MAP7D3: variants seen among roughly 807,000 people sequenced by gnomAD.
The protein encoded by MAP7D3 is MAP7 domain-containing protein 3.
In MAP7D3, 45 loss-of-function variants were observed where a neutral mutation model predicts 62.2. That is an observed-to-expected ratio of 0.72 (90% CI 0.57 to 0.93). The LOEUF is 0.93. Ranked by LOEUF, MAP7D3 falls within the 40% of genes least tolerant of loss-of-function variation. The pLI is 0.00. For missense variants in MAP7D3, 711 were observed against 683.1 expected (o/e 1.04, Z -0.45); for synonymous variants, 288 against 248.8 (o/e 1.16, Z -1.48).
upstream of MAP7D3, chrX:136,251,599 T>C (rs1389685018): frequency 8.8e-6 from 7 of 793,496 alleles, no homozygotes; most frequent in Non-Finnish European, 9.0e-6. Flanking sequence ...CTCTCCTATG[T>C]TCCGTGCTCT....
In MAP7D3 at chrX:136,246,167, A is replaced by G. The variant is rs1335736049; in HGVS notation, c.170-19T>C. On this transcript the variant is annotated intron_variant, in intron 2 of 18. Transcript: ENST00000316077. ...TCGATTACTAAAAAAAAAAGAATAT[A>G]GTTAGATATTAATAGGATATCAAAT... 6 of 1,133,241 alleles carry G rather than the reference A, an allele frequency of 5.3e-6. No homozygotes were observed. The highest frequency in any genetic ancestry group is 7.2e-6 in the Non-Finnish European group (6 of 828,879). 93.4% of individuals were successfully genotyped at this position (1,133,241 alleles called of 1,213,427 possible). A position where few individuals can be genotyped will look rare whatever the true frequency, so the allele number is the denominator to read the frequency against.
At position 136,232,191 on chromosome X, in the gene MAP7D3, A is replaced by G; in HGVS notation, c.766T>C (p.Tyr256His). 1 of 1,203,210 alleles carries G rather than the reference A, an allele frequency of 8.3e-7. No individual in the cohort carries two copies. The highest frequency in any genetic ancestry group is 1.1e-6 in the Non-Finnish European group (1 of 888,546). The change falls in exon 8 of 19, where the codon TAT becomes CAT. Residue 256 changes from tyrosine to histidine, a missense_variant. Tyr to His is a moderately conservative substitution (Grantham distance 83, BLOSUM62 2). Coordinates refer to ENST00000316077, the MANE Select transcript of MAP7D3 (RefSeq NM_024597.4). ...VTGVTNYVMQYVTVPLRKCTS... is the reference protein window; with the variant it reads ...VTGVTNYVMQHVTVPLRKCTS... ...CATTTACGCAAGGGTACAGTGACAT[A>G]CTGCATTACATAATTGGTGACGCCT...
intron 7 of MAP7D3, among the ~76,000 whole-genome samples, chrX:136,235,728 A>G (rs2074322582): frequency 9.0e-6 from 1 of 110,961 alleles, no homozygotes; most frequent in Admixed American, 9.6e-5. Flanking sequence ...CAGCCTGGGC[A>G]ACAGAGCGAG....
rs190069703 is a variant in MAP7D3, at chrX:136,239,652, G to A, written c.640+730C>T. On this transcript the variant is annotated intron_variant, in intron 6 of 18. Coordinates refer to ENST00000316077, the MANE Select transcript of MAP7D3 (RefSeq NM_024597.4). ...TGATATATGTAATGCAGATCAACCT[G>A]TCCACTGCTATATATATGCTATTAT... 3.7e-3 allele frequency among the ~76,000 whole-genome samples: 416 copies of A among 111,842 alleles called. 1 individual carries two copies. Among genetic ancestry groups the A allele is most frequent in the Non-Finnish European group, 6.1e-3 (325 of 53,135 alleles).
At chrX:136,241,650 A>G (rs1049322450) in intron 4 of MAP7D3, among the ~76,000 whole-genome samples, 5 of 110,025 alleles carry the variant, frequency 4.5e-5, no homozygotes, top group African/African-American at 1.7e-4. Context: ...GATTCCCCCA[A>G]CCATTTATTT....
chrX:136,234,935 C>T (rs936913293), intron 7 of MAP7D3, among the ~76,000 whole-genome samples: 4 of 112,172 alleles, frequency 3.6e-5, no homozygotes, highest in Admixed American at 2.9e-4. Flanking sequence ...AAACTGCTCT[C>T]AACAGCAGCT....
At chrX:136,216,189 A>G (rs2074060234), downstream of MAP7D3, among the ~76,000 whole-genome samples, 1 of 108,814 alleles carries the variant, frequency 9.2e-6, no homozygotes, top group Admixed American at 1.0e-4. Flanking sequence ...GGGAAGAGTA[A>G]CAAGCACTGA....
chrX:136,225,853 G>C, intron 13 of MAP7D3, 56 bp downstream of exon 13: 1 of 758,893 alleles, frequency 1.3e-6, no homozygotes, highest in Non-Finnish European at 2.0e-6. Context: ...CTGATATCAG[G>C]TGCCCAACAT....
upstream of MAP7D3, among the ~76,000 whole-genome samples, chrX:136,252,785 A>G (rs894316001): frequency 9.3e-6 from 1 of 108,001 alleles, no homozygotes; most frequent in Non-Finnish European, 1.9e-5. Flanking sequence ...AGTGTTTGCG[A>G]TGATGTAGAT....
chrX:136,233,805 T>G lies in MAP7D3; in HGVS notation c.737-1585A>C, dbSNP rs183866162. Among the ~76,000 whole-genome samples, 212 of 111,344 alleles carry G rather than the reference T, an allele frequency of 1.9e-3. 2 individuals are homozygous for G. The South Asian group carries it at 0.066, about 34-fold the overall frequency. The stretch of plus-strand genomic sequence containing the variant: ...TAAATGTTATCTTTTAGTCCCTCAC[T>G]TTTAGTGGAGAAAGCATTTTATTTA... On this transcript the variant is annotated intron_variant, in intron 7 of 18. Transcript: ENST00000316077.
intron 11 of MAP7D3, among the ~76,000 whole-genome samples, chrX:136,227,769 A>G (rs899486492): frequency 9.0e-6 from 1 of 111,037 alleles, no homozygotes; most frequent in Non-Finnish European, 1.9e-5. Flanking sequence ...CTCACACCCA[A>G]TCTCTCGTGG....
chrX:136,242,817 C>CTTCG (rs1485044304), intron 4 of MAP7D3, among the ~76,000 whole-genome samples: 1 of 111,997 alleles, frequency 8.9e-6, no homozygotes, highest in Non-Finnish European at 1.9e-5. Flanking sequence ...CTTCGTTTAT[C>CTTCG]ATTACTTAGT....
In MAP7D3 at chrX:136,244,789, TTA is replaced by T. The variant is rs1437139736; in HGVS notation, c.258_259del (p.Asn86LysfsTer7). On this transcript the variant is annotated frameshift_variant, in exon 4 of 19. Transcript: ENST00000316077. LOFTEE classifies it high-confidence loss of function. ...TTCTTTTTCAAGTAGTTGTGTTTCT[TTA>T]TTGGCTGAAATATTCCAAATACATT... 12 of 1,186,275 alleles carry T rather than the reference TTA, an allele frequency of 1.0e-5. No individual in the cohort carries two copies. Among genetic ancestry groups the T allele is most frequent in the Non-Finnish European group, 1.4e-5 (12 of 881,719 alleles).
At chrX:136,231,180 T>C (rs1187792228) in intron 8 of MAP7D3, 5 of 337,805 alleles carry the variant, frequency 1.5e-5, no homozygotes, top group African/African-American at 1.3e-4. Context: ...ATCACAGAAA[T>C]AACAGGTTTA....
intron 7 of MAP7D3, among the ~76,000 whole-genome samples, chrX:136,235,655 G>A (rs1289694781): frequency 2.7e-5 from 3 of 110,865 alleles, no homozygotes; most frequent in Non-Finnish European, 5.7e-5. Context: ...AAGCTGAGGC[G>A]GGAGAATCGC....
downstream of MAP7D3, among the ~76,000 whole-genome samples, chrX:136,216,359 T>TAAAAAAAAAAAAAAAA (rs58245551): frequency 3.9e-5 from 1 of 25,502 alleles, no homozygotes; most frequent in Non-Finnish European, 6.1e-5. Flanking sequence ...ACCCTATCTC[T>TAAAAAAAAAAAAAAAA]AAAAAAAAAA....
intron 9 of MAP7D3, 72 bp from the exon 10 acceptor site, chrX:136,230,665 T>G: frequency 1.1e-6 from 1 of 871,727 alleles, no homozygotes; most frequent in Non-Finnish European, 1.6e-6. Context: ...GATGCTATTA[T>G]GAGATGACAT....
At position 136,220,908 on chromosome X, in the gene MAP7D3, G is replaced by C. The variant is rs2074118707; in HGVS notation, c.2343C>G (p.Ala781=). The part of the protein sequence containing the change: ...PTKFKMPFNN[A]KKMTHKLVFL... Reference sequence around the variant, plus strand: ...ATACCAGCTTGTGTGTCATTTTCTTGGCATTGTTGAACGGCATTTTAAATT... The same window carrying C: ...ATACCAGCTTGTGTGTCATTTTCTTCGCATTGTTGAACGGCATTTTAAATT... Residue 781 remains alanine (A), a synonymous_variant, in exon 16 of 19, where the codon GCC becomes GCG. Transcript: ENST00000316077. 8.3e-7 allele frequency: 1 copy of C among 1,207,577 alleles called. No homozygotes were observed. Among genetic ancestry groups the C allele is most frequent in the Non-Finnish European group, 1.1e-6 (1 of 893,015 alleles).
In MAP7D3 at chrX:136,219,579, T is replaced by G. The variant is rs200308987; in HGVS notation, c.2565+14A>C. On this transcript the variant is annotated intron_variant, in intron 17 of 18. Coordinates refer to ENST00000316077, the MANE Select transcript of MAP7D3 (RefSeq NM_024597.4). Reference sequence around the variant, plus strand: ...CTTGTCACAGATACGCTGCTGCTCATAATTCATACTAACAGAGGATCTGCT... The same window carrying G: ...CTTGTCACAGATACGCTGCTGCTCAGAATTCATACTAACAGAGGATCTGCT... The G allele has an allele frequency of 5.1e-5, 61 of 1,187,595 alleles. No homozygotes were observed. Among genetic ancestry groups the G allele is most frequent in the Non-Finnish European group, 6.7e-5 (59 of 874,599 alleles).
Sources: allele counts gnomAD v4.1 joint callset (sites outside exome capture counted in the v4.1 genomes callset), GRCh38; gene constraint gnomAD v4.1.1; transcripts MANE v1.5; gene names NCBI Gene and HGNC (gene_info 2026-07-23, HGNC 2026-07-21).